Variants in DACH1 observed in about 807,000 individuals in gnomAD.
DACH1 encodes dachshund family transcription factor 1.
Under a neutral mutation model 54.2 loss-of-function variants are expected in DACH1, and 12 were observed. The observed-to-expected ratio is 0.22, with a 90% CI of 0.14 to 0.36. The LOEUF (loss-of-function observed/expected upper bound fraction) is 0.36. Ranked by LOEUF, DACH1 falls within the 10% of genes least tolerant of loss-of-function variation. The pLI is 1.00. For synonymous variants in DACH1, 386 were observed against 366.2 expected (o/e 1.05, Z -0.62); for missense variants, 805 against 929.8 (o/e 0.87, Z 1.75).
At chr13:71,481,311 T>G (rs146502963) in intron 7 of DACH1, among the ~76,000 whole-genome samples, 4 of 152,348 alleles carry the variant, frequency 2.6e-5, no homozygotes, top group African/African-American at 7.2e-5. Flanking sequence ...TATTAAACTA[T>G]TATTGTCCTT....
chr13:71,611,996 G>A (rs1032946192), intron 3 of DACH1, among the ~76,000 whole-genome samples: 4 of 152,090 alleles, frequency 2.6e-5, no homozygotes, highest in African/African-American at 9.7e-5. Flanking sequence ...ATCGTATGAG[G>A]ATGAATAAAA....
At chr13:71,643,818 C>A (rs1878080920) in intron 2 of DACH1, among the ~76,000 whole-genome samples, 1 of 151,474 alleles carries the variant, frequency 6.6e-6, no homozygotes, top group Non-Finnish European at 1.5e-5. Flanking sequence ...AGCAGTCATT[C>A]TTTTTTATCT....
intron 10 of DACH1, among the ~76,000 whole-genome samples, chr13:71,471,832 G>A (rs916787780): frequency 5.3e-5 from 8 of 152,104 alleles, no homozygotes; most frequent in Non-Finnish European, 1.2e-4. Context: ...AATAAAATAA[G>A]ATGACGACTT....
chr13:71,655,261 G>C (rs1879012667), intron 2 of DACH1, among the ~76,000 whole-genome samples: 1 of 151,616 alleles, frequency 6.6e-6, no homozygotes, highest in Non-Finnish European at 1.5e-5. Context: ...TAATTACTCT[G>C]TGTGTAAGAT....
At chr13:71,748,964 C>CTT (rs1310558749) in intron 1 of DACH1, among the ~76,000 whole-genome samples, 3,241 of 25,218 alleles carry the variant, frequency 0.13, 280 homozygotes, top group Non-Finnish European at 0.28. Context: ...CTCTTTCTTT[C>CTT]TCTCTCTCTC....
chr13:71,572,780 G>T, intron 4 of DACH1, 60 bp downstream of exon 4: 1 of 1,522,158 alleles, frequency 6.6e-7, no homozygotes, highest in South Asian at 1.3e-5. Context: ...AAGAAAAATG[G>T]ATTAAGGGAT....
In DACH1 at chr13:71,501,421, T is replaced by C. The variant is rs894051498; in HGVS notation, c.1571-12273A>G. 1.1e-4 allele frequency among the ~76,000 whole-genome samples: 17 copies of C among 152,292 alleles called. No individual in the cohort carries two copies. In the East Asian group the frequency reaches 2.9e-3, roughly 26 times the overall value. On this transcript the variant is annotated intron_variant, in intron 6 of 10. Coordinates refer to ENST00000613252, the MANE Select transcript of DACH1 (RefSeq NM_080759.6). ...TGTGTTTGTGATTTAAGAAAAGATT[T>C]ACCCATCTTTAGAAAATATACACTG...
chr13:71,842,268 GA>G (rs1410771249), intron 1 of DACH1, among the ~76,000 whole-genome samples: 6 of 152,150 alleles, frequency 3.9e-5, no homozygotes, highest in Non-Finnish European at 8.8e-5. Flanking sequence ...CAGAATTGGA[GA>G]AAACGCTTTA....
At chr13:71,653,612 T>A (rs1194930600) in intron 2 of DACH1, among the ~76,000 whole-genome samples, 1 of 152,212 alleles carries the variant, frequency 6.6e-6, no homozygotes, top group African/African-American at 2.4e-5. Context: ...TCCTTCCTGA[T>A]GTACCAAAAA....
At chr13:71,664,739 G>A (rs1411052296) in intron 2 of DACH1, among the ~76,000 whole-genome samples, 1 of 151,950 alleles carries the variant, frequency 6.6e-6, no homozygotes, top group Non-Finnish European at 1.5e-5. Context: ...ATACAGCATG[G>A]TAGGATTATG....
In DACH1 at chr13:71,555,684, A is replaced by G. The variant is rs989966434; in HGVS notation, c.1570+1340T>C. The stretch of plus-strand genomic sequence containing the variant: ...CAATATTGCTATGCATGGATTTTTT[A>G]TTAAATATCAAAAGTATAGGTCAAA... On this transcript the variant is annotated intron_variant, in intron 6 of 10. Coordinates refer to ENST00000613252, the MANE Select transcript of DACH1 (RefSeq NM_080759.6). 3.9e-5 allele frequency among the ~76,000 whole-genome samples: 6 copies of G among 152,056 alleles called. 1 individual carries two copies.
At chr13:71,468,319 C>T (rs1319957452) in intron 10 of DACH1, among the ~76,000 whole-genome samples, 2 of 152,086 alleles carry the variant, frequency 1.3e-5, no homozygotes, top group Admixed American at 6.6e-5. Flanking sequence ...AAGTGCTTTA[C>T]ATGGATTATT....
intron 2 of DACH1, among the ~76,000 whole-genome samples, chr13:71,671,891 T>TC (rs1880229153): frequency 6.6e-6 from 1 of 152,140 alleles, no homozygotes; most frequent in African/African-American, 2.4e-5. Context: ...TAGACTTCTC[T>TC]GCAATTTATT....
At chr13:71,494,065 T>A (rs1205542661) in intron 6 of DACH1, among the ~76,000 whole-genome samples, 1 of 152,144 alleles carries the variant, frequency 6.6e-6, no homozygotes, top group Non-Finnish European at 1.5e-5. Context: ...CAGCAAAAAG[T>A]GCATCTTCCT....
chr13:71,616,179 G>GCT (rs1426240386), intron 3 of DACH1, among the ~76,000 whole-genome samples: 4 of 151,930 alleles, frequency 2.6e-5, no homozygotes, highest in Non-Finnish European at 4.4e-5. Flanking sequence ...CCATGTTTTG[G>GCT]CTCTCTCTCT....
chr13:71,737,363 C>T (rs769139322), intron 1 of DACH1, among the ~76,000 whole-genome samples: 1 of 151,988 alleles, frequency 6.6e-6, no homozygotes, highest in Non-Finnish European at 1.5e-5. Flanking sequence ...ACTTGGAATT[C>T]GAGACTTGGG....
At chr13:71,809,049 A>T (rs1887612748) in intron 1 of DACH1, among the ~76,000 whole-genome samples, 1 of 152,220 alleles carries the variant, frequency 6.6e-6, no homozygotes, top group South Asian at 2.1e-4. Flanking sequence ...TAAGCGTTTC[A>T]ATAGGGGAGG....
At chr13:71,553,915 T>C (rs538249969) in intron 6 of DACH1, among the ~76,000 whole-genome samples, 6 of 151,898 alleles carry the variant, frequency 4.0e-5, no homozygotes, top group Admixed American at 2.0e-4. Context: ...ACAAATAAAT[T>C]TTGGCATCTA....
chr13:71,700,107 A>G (rs889430761), intron 1 of DACH1, among the ~76,000 whole-genome samples: 2 of 152,190 alleles, frequency 1.3e-5, no homozygotes, highest in Non-Finnish European at 1.5e-5. Flanking sequence ...GTGCACACAC[A>G]CACACACACA....
Sources: allele counts gnomAD v4.1 joint callset (sites outside exome capture counted in the v4.1 genomes callset), GRCh38; gene constraint gnomAD v4.1.1; transcripts MANE v1.5; gene names NCBI Gene and HGNC (gene_info 2026-07-23, HGNC 2026-07-21).